Variants in STON2 observed in about 807,000 individuals in gnomAD.
The protein encoded by STON2 is stonin-2.
STON2 carries 29 observed loss-of-function variants against 65.7 expected under a neutral mutation model. The observed-to-expected ratio is 0.44, with a 90% CI of 0.33 to 0.60. The LOEUF is 0.60. Ranked by LOEUF, STON2 falls within the 20% of genes least tolerant of loss-of-function variation. STON2 has a pLI of 0.03. For missense variants in STON2, 1,054 were observed against 1,118.1 expected, an observed-to-expected ratio of 0.94 and a Z score of 0.82; for synonymous variants, 404 against 414.2, an observed-to-expected ratio of 0.98 and a Z score of 0.30.
intron 4 of STON2, among the ~76,000 whole-genome samples, chr14:81,368,605 T>G (rs560862990): frequency 6.6e-6 from 1 of 152,048 alleles, no homozygotes; most frequent in African/African-American, 2.4e-5. Context: ...TCCCAGCTAC[T>G]TGGGAGGCTG....
chr14:81,335,514 T>G (rs555935478), intron 4 of STON2, among the ~76,000 whole-genome samples: 1 of 152,064 alleles, frequency 6.6e-6, no homozygotes, highest in African/African-American at 2.4e-5. Flanking sequence ...CTCTCAAGAG[T>G]TATTGTTTTT....
intron 3 of STON2, among the ~76,000 whole-genome samples, chr14:81,391,881 C>T (rs1314261351): frequency 6.6e-6 from 1 of 152,202 alleles, no homozygotes; most frequent in East Asian, 1.9e-4. Context: ...TAAATTTTCA[C>T]ACATATGAAC....
chr14:81,394,996 G>C (rs1214176164), intron 3 of STON2: 1 of 152,170 alleles, frequency 6.6e-6, no homozygotes, highest in African/African-American at 2.4e-5. Context: ...GCATACTTCA[G>C]TGCACAATAA....
Position 81,361,236 on chromosome 14 carries a change from C to T in STON2, c.571+9752G>A, listed in dbSNP as rs188244114. ...AAACAACAAAGTTGGAGGTATCACACCATATTACTTGAAACAATACTACAA... is the reference window on the plus strand; with the variant it reads ...AAACAACAAAGTTGGAGGTATCACATCATATTACTTGAAACAATACTACAA... On this transcript the variant is annotated intron_variant, in intron 4 of 7. Transcript: ENST00000614646. Among the ~76,000 whole-genome samples, 1,331 of 152,164 alleles carry T rather than the reference C, an allele frequency of 8.7e-3. 25 individuals are homozygous for T. Among genetic ancestry groups the T allele is most frequent in the African/African-American group, 0.031 (1,283 of 41,540 alleles).
intron 3 of STON2, among the ~76,000 whole-genome samples, chr14:81,392,861 T>C (rs891785772): frequency 2.6e-5 from 4 of 152,236 alleles, no homozygotes; most frequent in African/African-American, 7.2e-5. Context: ...GGGTGAAATA[T>C]ACATTTTGTT....
At chr14:81,434,285 G>A (rs888154790) in intron 1 of STON2, among the ~76,000 whole-genome samples, 1 of 152,144 alleles carries the variant, frequency 6.6e-6, no homozygotes, top group Non-Finnish European at 1.5e-5. Flanking sequence ...GAGATCTCAC[G>A]AGGTGGGAGT....
chr14:81,298,419 G>GC (rs906196272), intron 5 of STON2, among the ~76,000 whole-genome samples: 12 of 56,130 alleles, frequency 2.1e-4, no homozygotes, highest in Non-Finnish European at 3.9e-4. Flanking sequence ...TCAGATGGGG[G>GC]GGGGGAATCA....
intron 4 of STON2, among the ~76,000 whole-genome samples, chr14:81,366,479 G>T (rs1012554544): frequency 1.3e-5 from 2 of 152,086 alleles, no homozygotes; most frequent in Non-Finnish European, 2.9e-5. Context: ...GCCAGGGAGA[G>T]CCCAGCTCAG....
At chr14:81,402,472 AAG>A (rs1174917977), upstream of STON2, among the ~76,000 whole-genome samples, 3 of 152,162 alleles carry the variant, frequency 2.0e-5, no homozygotes, top group African/African-American at 7.2e-5. Context: ...AGCAGCAAGT[AAG>A]AGTGTTAAGA....
chr14:81,337,679 C>T (rs898206268), intron 4 of STON2, among the ~76,000 whole-genome samples: 10 of 152,084 alleles, frequency 6.6e-5, no homozygotes, highest in Admixed American at 1.3e-4. Context: ...AAGCCTAAGA[C>T]GTCAGCAAGT....
chr14:81,280,963 A>T (rs1208969244), intron 5 of STON2, among the ~76,000 whole-genome samples: 1 of 150,580 alleles, frequency 6.6e-6, no homozygotes, highest in Admixed American at 6.6e-5. Flanking sequence ...GTGAGCCGAG[A>T]TGGCGCTACT....
intron 5 of STON2, among the ~76,000 whole-genome samples, chr14:81,308,196 C>T (rs759699382): frequency 6.6e-6 from 1 of 152,044 alleles, no homozygotes; most frequent in Non-Finnish European, 1.5e-5. Flanking sequence ...CTAGCTCAGA[C>T]TCAGAAATTA....
In STON2 at chr14:81,262,744, A is replaced by G. The variant is rs1894200811; in HGVS notation, c.*5670T>C. On this transcript the variant is annotated 3_prime_UTR_variant, in exon 8 of 8. Coordinates refer to ENST00000614646, the MANE Select transcript of STON2 (RefSeq NM_001394390.1). ...AAAACAACTAGACTCTTTCCAGCAG[A>G]TTTGCTAAGGCACACTAGAAGAAAT... 1.0e-5 allele frequency: 10 copies of G among 985,270 alleles called. No individual in the cohort carries two copies. Among genetic ancestry groups the G allele is most frequent in the Middle Eastern group, 5.2e-4 (1 of 1,936 alleles). The allele number at this position is 985,270 out of a possible 1,614,324, so 61.0% of individuals were successfully genotyped here. A position where few individuals can be genotyped will look rare whatever the true frequency, so the allele number is the denominator to read the frequency against.
chr14:81,392,441 A>T (rs773105983), intron 3 of STON2, among the ~76,000 whole-genome samples: 3 of 152,094 alleles, frequency 2.0e-5, no homozygotes, highest in Non-Finnish European at 2.9e-5. Flanking sequence ...CTTACCCTTC[A>T]AACCATCTGT....
chr14:81,374,989 A>G (rs545072414), intron 3 of STON2, among the ~76,000 whole-genome samples: 1 of 152,334 alleles, frequency 6.6e-6, no homozygotes, highest in South Asian at 2.1e-4. Context: ...AAGAGAAAAT[A>G]CACATTACCT....
intron 5 of STON2, among the ~76,000 whole-genome samples, chr14:81,283,529 C>CTT (rs1895208907): frequency 8.4e-5 from 8 of 95,394 alleles, no homozygotes; most frequent in Non-Finnish European, 6.8e-5. Context: ...ACAGATACTG[C>CTT]ATTTTTTTTT....
rs185797544 is a variant in STON2, at chr14:81,362,257, A to G, written c.571+8731T>C. On this transcript the variant is annotated intron_variant, in intron 4 of 7. Coordinates refer to ENST00000614646, the MANE Select transcript of STON2 (RefSeq NM_001394390.1). ...TAAGTGTCCATCAGTGGATGAATGGATGAAGAAAATGTGGCATACATACAC... is the reference window on the plus strand; with the variant it reads ...TAAGTGTCCATCAGTGGATGAATGGGTGAAGAAAATGTGGCATACATACAC... Among the ~76,000 whole-genome samples the G allele has an allele frequency of 4.7e-4, 71 of 152,328 alleles. 1 individual carries two copies. The highest frequency in any genetic ancestry group is 1.6e-3 in the African/African-American group (68 of 41,576).
intron 6 of STON2, among the ~76,000 whole-genome samples, chr14:81,272,745 A>G (rs1894651239): frequency 6.6e-6 from 1 of 152,244 alleles, no homozygotes; most frequent in Admixed American, 6.5e-5. Context: ...ATTGTGTGCC[A>G]CAGATGTAAT....
At chr14:81,338,727 T>C (rs1453329820) in intron 4 of STON2, among the ~76,000 whole-genome samples, 1 of 152,222 alleles carries the variant, frequency 6.6e-6, no homozygotes, top group Non-Finnish European at 1.5e-5. Context: ...AGTTAAATTA[T>C]AGAACATTTC....
Sources: allele counts gnomAD v4.1 joint callset (sites outside exome capture counted in the v4.1 genomes callset), GRCh38; gene constraint gnomAD v4.1.1; transcripts MANE v1.5; gene names NCBI Gene and HGNC (gene_info 2026-07-23, HGNC 2026-07-21).